The following PPP2R1A variants were observed in gnomAD, a reference collection of about 807,000 sequenced individuals.
PPP2R1A encodes the protein serine/threonine-protein phosphatase 2A 65 kDa regulatory subunit A alpha isoform.
PPP2R1A carries 15 observed loss-of-function variants against 67.1 expected under a neutral mutation model. The observed-to-expected ratio is 0.22, with a 90% CI of 0.15 to 0.34. The LOEUF is 0.34. Ranked by LOEUF, PPP2R1A falls within the 10% of genes least tolerant of loss-of-function variation. PPP2R1A has a pLI of 1.00. For missense variants in PPP2R1A, 369 were observed against 775.0 expected (o/e 0.48, Z 6.22); for synonymous variants, 337 against 325.0 (o/e 1.04, Z -0.40).
chr19:52,193,517 GC>G (rs1486712666), intron 1 of PPP2R1A, among the ~76,000 whole-genome samples: 1 of 152,180 alleles, frequency 6.6e-6, no homozygotes, highest in Non-Finnish European at 1.5e-5. Context: ...GATGTCAGTG[GC>G]AGTAATTGCT....
At chr19:52,193,594 TA>T (rs942808819) in intron 1 of PPP2R1A, among the ~76,000 whole-genome samples, 3 of 152,186 alleles carry the variant, frequency 2.0e-5, no homozygotes, top group Non-Finnish European at 2.9e-5. Context: ...TATTTTATTT[TA>T]TTTTTTTTGA....
Position 52,226,210 on chromosome 19 carries a change from G to A in PPP2R1A, c.*229G>A. The A allele has an allele frequency of 1.6e-6, 1 of 633,496 alleles. No homozygotes were observed. The highest frequency in any genetic ancestry group is 2.7e-6 in the Non-Finnish European group (1 of 371,088). 39.2% of individuals were successfully genotyped at this position (633,496 alleles called of 1,614,324 possible). ...GGGTTGGACAGGACAGTGACCTTGG[G>A]AGGAAGGGGCTACTCCGCCCACGTC... On this transcript the variant is annotated 3_prime_UTR_variant, in exon 15 of 15. Transcript: ENST00000322088.
chr19:52,217,869 T>C (rs1219378613), intron 9 of PPP2R1A, among the ~76,000 whole-genome samples: 5 of 151,642 alleles, frequency 3.3e-5, no homozygotes, highest in Admixed American at 6.6e-5. Flanking sequence ...GGGAAGGAGT[T>C]TGGACTTGAC....
intron 13 of PPP2R1A, among the ~76,000 whole-genome samples, chr19:52,223,665 G>A (rs1206751829): frequency 6.6e-6 from 1 of 152,126 alleles, no homozygotes; most frequent in Non-Finnish European, 1.5e-5. Context: ...AGTGACATAT[G>A]ACTACACGCC....
In PPP2R1A at chr19:52,211,157, G is replaced by A; in HGVS notation, c.271-103G>A. 8.8e-7 allele frequency: 1 copy of A among 1,135,048 alleles called. No homozygotes were observed. Among genetic ancestry groups the A allele is most frequent in the Admixed American group, 2.5e-5 (1 of 40,346 alleles). 70.3% of individuals were successfully genotyped at this position (1,135,048 alleles called of 1,614,324 possible). On this transcript the variant is annotated intron_variant, in intron 3 of 14. Coordinates refer to ENST00000322088, the MANE Select transcript of PPP2R1A (RefSeq NM_014225.6). This position sits in a 1 kb window ranked among gnomAD's most constrained non-coding sequence, Gnocchi z 5.3. ...GAAGGTCGGGATGGGTAATAGGGAA[G>A]TTTTCTCTGAGGAGATGAGCCCATG...
rs117921538 is a variant in PPP2R1A, at chr19:52,224,452, G to C, written c.1662-1265G>C. On this transcript the variant is annotated intron_variant, in intron 13 of 14. Transcript: ENST00000322088. The stretch of plus-strand genomic sequence containing the variant: ...GTACCAGTTTGGTCTCTTCCTCCTG[G>C]CCCGGGTGCCTCATGGCAGAAATCA... Among the ~76,000 whole-genome samples the C allele has an allele frequency of 1.6e-4, 25 of 152,264 alleles. No individual in the cohort carries two copies. In the East Asian group the frequency reaches 4.8e-3, roughly 29 times the overall value.
At chr19:52,220,556 A>T (rs1303659854) in intron 11 of PPP2R1A, among the ~76,000 whole-genome samples, 2 of 152,150 alleles carry the variant, frequency 1.3e-5, no homozygotes, top group Non-Finnish European at 2.9e-5. Context: ...CTGTCTTTGA[A>T]TGAGCCCCAC....
Position 52,222,241 on chromosome 19 carries a change from G to A in PPP2R1A, c.1661G>A (p.Ser554Asn). 1 of 1,613,888 alleles carries A rather than the reference G, an allele frequency of 6.2e-7. No individual in the cohort carries two copies. Residue 554 changes from serine (S) to asparagine (N), a missense_variant and splice_region_variant, in exon 13 of 15, where the codon AGC becomes AAC. Ser to Asn is a conservative substitution (Grantham distance 46). Around this residue, in one of 2 missense-constraint regions of PPP2R1A, gnomAD observed 276 missense variants for 508.4 expected, o/e 0.54. Coordinates refer to ENST00000322088, the MANE Select transcript of PPP2R1A (RefSeq NM_014225.6). ...LQKIGPILDN[S>N]TLQSEVKPIL... The stretch of plus-strand genomic sequence containing the variant: ...AAGATAGGGCCCATCCTGGACAACA[G>A]GTGAGGTCTGGATACTCCCCCACAC...
chr19:52,228,546 C>G lies in PPP2R1A; in HGVS notation c.*2565C>G, dbSNP rs189330278. The G allele has an allele frequency of 2.0e-5, 3 of 152,342 alleles. No homozygotes were observed. In the East Asian group the frequency reaches 5.8e-4, roughly 29 times the overall value. The allele number at this position is 152,342 out of a possible 1,614,324, so 9.4% of individuals were successfully genotyped here. A position where few individuals can be genotyped will look rare whatever the true frequency, so the allele number is the denominator to read the frequency against. Reference sequence around the variant, plus strand: ...TAGGAGTGGTTCCTAATCTCCCAGGCTGCAGGCTTTGTTTGCTCCATACAC... The same window carrying G: ...TAGGAGTGGTTCCTAATCTCCCAGGGTGCAGGCTTTGTTTGCTCCATACAC... On this transcript the variant is annotated 3_prime_UTR_variant, in exon 15 of 15. Transcript: ENST00000322088.
At chr19:52,203,991 C>T (rs536000724) in intron 2 of PPP2R1A, among the ~76,000 whole-genome samples, 1 of 152,292 alleles carries the variant, frequency 6.6e-6, no homozygotes, top group East Asian at 1.9e-4. Flanking sequence ...GAGCCCACCA[C>T]CCTCAAGAAC....
At chr19:52,201,464 C>T (rs1375783519) in intron 1 of PPP2R1A, 1 of 154,312 alleles carries the variant, frequency 6.5e-6, no homozygotes, top group Non-Finnish European at 1.4e-5. Flanking sequence ...GTTCCCCGAG[C>T]CTGTTTCCCT....
At chr19:52,222,401 T>C (rs1978993248) in intron 13 of PPP2R1A, 160 bp downstream of exon 13, 1 of 1,105,682 alleles carries the variant, frequency 9.0e-7, no homozygotes, top group Admixed American at 3.4e-5. Context: ...TTTTCTCAAC[T>C]GTAAAATGAA....
chr19:52,213,067 A>C lies in PPP2R1A; in HGVS notation c.764A>C (p.Lys255Thr). ...MPTLRQAAED[K>T]SWRVRYMVAD... Reference sequence around the variant, plus strand: ...ACTCTGCGCCAGGCCGCTGAAGACAAGTCCTGGCGCGTCCGCTACATGGTG... The same window carrying C: ...ACTCTGCGCCAGGCCGCTGAAGACACGTCCTGGCGCGTCCGCTACATGGTG... The change falls in exon 6 of 15, where the codon AAG becomes ACG. Residue 255 changes from lysine to threonine, a missense_variant. By Grantham distance (78) the Lys-to-Thr change is moderately conservative. This residue lies in a region of PPP2R1A where 276 missense variants were observed against 508.4 expected (regional missense o/e 0.54). Coordinates refer to ENST00000322088, the MANE Select transcript of PPP2R1A (RefSeq NM_014225.6). This position sits in a 1 kb window ranked among gnomAD's most constrained non-coding sequence, Gnocchi z 4.2. The C allele has an allele frequency of 6.2e-7, 1 of 1,603,872 alleles. No individual in the cohort carries two copies. Among genetic ancestry groups the C allele is most frequent in the Non-Finnish European group, 8.5e-7 (1 of 1,177,182 alleles).
At chr19:52,225,857 A>T (rs1347599988) in intron 14 of PPP2R1A, 49 bp downstream of exon 14, 13 of 1,611,974 alleles carry the variant, frequency 8.1e-6, no homozygotes, top group Non-Finnish European at 1.1e-5. Context: ...GACTTTGAGG[A>T]CAGGCACTGG....
At position 52,226,227 on chromosome 19, in the gene PPP2R1A, G is replaced by T; in HGVS notation, c.*246G>T. 1 of 581,390 alleles carries T rather than the reference G, an allele frequency of 1.7e-6. No individual in the cohort carries two copies. Among genetic ancestry groups the T allele is most frequent in the Non-Finnish European group, 3.0e-6 (1 of 330,982 alleles). The allele number at this position is 581,390 out of a possible 1,614,324, so 36.0% of individuals were successfully genotyped here. ...GACCTTGGGAGGAAGGGGCTACTCC[G>T]CCCACGTCAGGGAGAGATGTGAGCA... is the stretch of plus-strand genomic sequence containing the variant. On this transcript the variant is annotated 3_prime_UTR_variant, in exon 15 of 15. Transcript: ENST00000322088.
intron 12 of PPP2R1A, 92 bp downstream of exon 12, chr19:52,221,225 T>A: frequency 6.5e-7 from 1 of 1,530,554 alleles, no homozygotes; most frequent in Non-Finnish European, 8.9e-7. Context: ...GGGAGACACC[T>A]GGCTTGGGAA....
chr19:52,221,280 G>A, intron 12 of PPP2R1A, 147 bp downstream of exon 12: 4 of 1,232,354 alleles, frequency 3.2e-6, no homozygotes, highest in Non-Finnish European at 4.5e-6. Context: ...AGTCCTTGGG[G>A]AACTGCAGGC....
rs1326851886 is a variant in PPP2R1A at position 52,227,914 on chromosome 19, A to G, written c.*1933A>G. The G allele has an allele frequency of 6.6e-6, 1 of 152,232 alleles. No individual in the cohort carries two copies. Among genetic ancestry groups the G allele is most frequent in the East Asian group, 1.9e-4 (1 of 5,186 alleles). 9.4% of individuals were successfully genotyped at this position (152,232 alleles called of 1,614,324 possible). A position where few individuals can be genotyped will look rare whatever the true frequency, so the allele number is the denominator to read the frequency against. On this transcript the variant is annotated 3_prime_UTR_variant, in exon 15 of 15. Coordinates refer to ENST00000322088, the MANE Select transcript of PPP2R1A (RefSeq NM_014225.6). ...GTGGACCAGCAGCCTTTGCATTCTCAGGAGCTTGTTAGAAATGCAGAGCCT... is the reference window on the plus strand; with the variant it reads ...GTGGACCAGCAGCCTTTGCATTCTCGGGAGCTTGTTAGAAATGCAGAGCCT...
At chr19:52,225,425 A>G (rs974093393) in intron 13 of PPP2R1A, among the ~76,000 whole-genome samples, 1 of 152,238 alleles carries the variant, frequency 6.6e-6, no homozygotes, top group Admixed American at 6.5e-5. Context: ...GATAATTAGC[A>G]TATCTATCAC....
Sources: gnomAD v4.1 joint callset for allele counts (sites outside exome capture counted in the v4.1 genomes callset) on GRCh38, gnomAD v4.1.1 for gene constraint, gnomAD v4.1.1 regional missense constraint, Gnocchi (gnomAD v3.1) non-coding constraint, MANE v1.5 for transcripts, NCBI Gene and HGNC (gene_info 2026-07-23, HGNC 2026-07-21) for gene names.